Variants in KHDRBS2 observed in about 807,000 individuals in gnomAD.
The protein encoded by KHDRBS2 is KH domain-containing, RNA-binding, signal transduction-associated protein 2.
A neutral mutation model predicts 44.3 loss-of-function variants in KHDRBS2; 26 were observed. The observed-to-expected ratio is 0.59, with a 90% CI of 0.43 to 0.81. The LOEUF (loss-of-function observed/expected upper bound fraction) is 0.81, where lower values mean the gene tolerates loss of function less well. Among genes scored for constraint, KHDRBS2 ranks in the 40% least tolerant of loss-of-function variants. The pLI is 0.00. For missense variants in KHDRBS2, 476 were observed against 433.1 expected, an observed-to-expected ratio of 1.10 and a Z score of -0.88; for synonymous variants, 194 against 151.1, an observed-to-expected ratio of 1.28 and a Z score of -2.08.
At chr6:61,912,255 T>A (rs1806185432) in intron 4 of KHDRBS2, among the ~76,000 whole-genome samples, 1 of 152,132 alleles carries the variant, frequency 6.6e-6, no homozygotes, top group Non-Finnish European at 1.5e-5. Flanking sequence ...CAAAAAGATG[T>A]GTCAAAATAT....
At chr6:61,699,578 G>T (rs1032543433) in intron 7 of KHDRBS2, among the ~76,000 whole-genome samples, 8 of 152,032 alleles carry the variant, frequency 5.3e-5, no homozygotes, top group Admixed American at 2.0e-4. Flanking sequence ...CGACAGAAGG[G>T]CCTAAAATTA....
At chr6:61,897,457 C>A (rs1176964082) in intron 5 of KHDRBS2, among the ~76,000 whole-genome samples, 1 of 152,138 alleles carries the variant, frequency 6.6e-6, no homozygotes, top group Non-Finnish European at 1.5e-5. Context: ...TTATATTCTT[C>A]ATTTAATTTG....
intron 1 of KHDRBS2, among the ~76,000 whole-genome samples, chr6:62,207,888 T>A (rs538193361): frequency 6.6e-6 from 1 of 152,292 alleles, no homozygotes; most frequent in East Asian, 1.9e-4. Flanking sequence ...TCATCTCACA[T>A]AGTTACTTAT....
intron 2 of KHDRBS2, among the ~76,000 whole-genome samples, chr6:62,048,971 CCTTCTCTTCT>C (rs371667237): frequency 1.3e-3 from 197 of 151,418 alleles, no homozygotes; most frequent in African/African-American, 3.7e-3. Context: ...TTTTCTCTTC[CCTTCTCTTCT>C]CTTCTCTTCT....
At chr6:61,977,957 C>A (rs1248333121) in intron 4 of KHDRBS2, 109 bp downstream of exon 4, 2 of 911,602 alleles carry the variant, frequency 2.2e-6, no homozygotes, top group Non-Finnish European at 3.3e-6. Context: ...GTGGATAGAT[C>A]ATTGGTTTGC....
chr6:61,892,502 T>C (rs951058481), intron 6 of KHDRBS2, among the ~76,000 whole-genome samples: 2 of 152,138 alleles, frequency 1.3e-5, no homozygotes, highest in African/African-American at 4.8e-5. Flanking sequence ...CTTCAAACTA[T>C]ACTACAAGGC....
chr6:61,591,028 T>C, the KHDRBS2 span, among the ~76,000 whole-genome samples: 1 of 152,174 alleles, frequency 6.6e-6, no homozygotes, highest in Non-Finnish European at 1.5e-5. Flanking sequence ...TCATTTACAT[T>C]CTTTCTATAG....
intron 1 of KHDRBS2, among the ~76,000 whole-genome samples, chr6:62,267,489 C>G (rs2150185816): frequency 6.6e-6 from 1 of 152,138 alleles, no homozygotes; most frequent in South Asian, 2.1e-4. Context: ...GAGAAGGAGA[C>G]AGGGGTTCTA....
chr6:61,749,920 T>C (rs1208373094), intron 6 of KHDRBS2, among the ~76,000 whole-genome samples: 1 of 152,194 alleles, frequency 6.6e-6, no homozygotes, highest in Non-Finnish European at 1.5e-5. Flanking sequence ...TAAAGAAGAA[T>C]CTTGTGTTGT....
intron 7 of KHDRBS2, among the ~76,000 whole-genome samples, chr6:61,705,644 T>C (rs1216039769): frequency 1.3e-5 from 2 of 151,856 alleles, no homozygotes; most frequent in African/African-American, 4.8e-5. Context: ...CTATTTACAG[T>C]ATGATCTTGA....
At chr6:61,722,010 G>A (rs1476115725) in intron 7 of KHDRBS2, among the ~76,000 whole-genome samples, 3 of 150,652 alleles carry the variant, frequency 2.0e-5, no homozygotes, top group Non-Finnish European at 4.4e-5. Context: ...TTTTGTCAAA[G>A]GCCTTTTCTG....
chr6:61,598,566 T>A, the KHDRBS2 span, among the ~76,000 whole-genome samples: 1 of 152,166 alleles, frequency 6.6e-6, no homozygotes, highest in Non-Finnish European at 1.5e-5. Context: ...AACTTTTTCC[T>A]GGGGGTAGAA....
chr6:61,558,904 G>A, the KHDRBS2 span, among the ~76,000 whole-genome samples: 1 of 152,116 alleles, frequency 6.6e-6, no homozygotes, highest in East Asian at 1.9e-4. Flanking sequence ...GCCATTGGTT[G>A]AAACGTTTTG....
At chr6:61,960,963 C>A (rs1228307295) in intron 4 of KHDRBS2, among the ~76,000 whole-genome samples, 1 of 152,002 alleles carries the variant, frequency 6.6e-6, no homozygotes, top group Non-Finnish European at 1.5e-5. Flanking sequence ...GAGTAGAAAT[C>A]AGAATTTATA....
At chr6:61,638,071 C>T in the KHDRBS2 span, among the ~76,000 whole-genome samples, 14 of 151,956 alleles carry the variant, frequency 9.2e-5, no homozygotes, top group African/African-American at 3.4e-4. Flanking sequence ...GCTTTGGTTG[C>T]CATTACTGCC....
chr6:61,865,758 C>A (rs1469026154), intron 6 of KHDRBS2, among the ~76,000 whole-genome samples: 3 of 152,190 alleles, frequency 2.0e-5, no homozygotes, highest in African/African-American at 7.2e-5. Context: ...CAAGGCAAGT[C>A]TCTTCCATCT....
chr6:61,999,469 T>C (rs1777817084), intron 3 of KHDRBS2, among the ~76,000 whole-genome samples: 1 of 152,148 alleles, frequency 6.6e-6, no homozygotes, highest in South Asian at 2.1e-4. Context: ...TATACTTCTT[T>C]CCTTTATATA....
chr6:61,955,578 ATG>A lies in KHDRBS2; in HGVS notation c.483+22486_483+22487del, dbSNP rs1472441458. On this transcript the variant is annotated intron_variant, in intron 4 of 8. Transcript: ENST00000281156. ...TGTATACATGTGTATATATACACGT[ATG>A]TATGTATGTATACATGTGTGTATAT... Among the ~76,000 whole-genome samples, 3 of 83,394 alleles carry A rather than the reference ATG, an allele frequency of 3.6e-5. 1 individual carries two copies. The highest frequency in any genetic ancestry group is 1.1e-4 in the African/African-American group (3 of 28,156). 54.7% of individuals were successfully genotyped at this position (83,394 alleles called of 152,430 possible). A position where few individuals can be genotyped will look rare whatever the true frequency, so the allele number is the denominator to read the frequency against.
intron 8 of KHDRBS2, among the ~76,000 whole-genome samples, chr6:61,692,236 A>T (rs947150644): frequency 4.6e-5 from 7 of 152,124 alleles, no homozygotes; most frequent in African/African-American, 1.7e-4. Flanking sequence ...AAATATTTTT[A>T]AAATGCAGAA....
Sources: allele counts gnomAD v4.1 joint callset (sites outside exome capture counted in the v4.1 genomes callset), GRCh38; gene constraint gnomAD v4.1.1; transcripts MANE v1.5; gene names NCBI Gene and HGNC (gene_info 2026-07-23, HGNC 2026-07-21).